RDX: variants seen among roughly 807,000 people sequenced by gnomAD.
RDX encodes the protein deafness, autosomal recessive 24.
In RDX, 32 loss-of-function variants were observed where a neutral mutation model predicts 83.7. The observed-to-expected ratio is 0.38, with a 90% CI of 0.29 to 0.51. The LOEUF (loss-of-function observed/expected upper bound fraction) is 0.51. Ranked by LOEUF, RDX falls within the 20% of genes least tolerant of loss-of-function variation. The pLI, the probability that RDX is intolerant of heterozygous loss-of-function variation, is 0.87. For missense variants in RDX, 600 were observed against 689.9 expected (o/e 0.87, Z 1.46); for synonymous variants, 229 against 222.7 (o/e 1.03, Z -0.25).
At chr11:110,268,662 T>TTTAGACTA (rs1860161085) in intron 3 of RDX, among the ~76,000 whole-genome samples, 1 of 152,170 alleles carries the variant, frequency 6.6e-6, no homozygotes, top group Non-Finnish European at 1.5e-5. Flanking sequence ...CTTAACTAAC[T>TTTAGACTA]TTAGACTATT....
intron 10 of RDX, among the ~76,000 whole-genome samples, chr11:110,240,669 C>T (rs1285400314): frequency 9.0e-5 from 13 of 144,996 alleles, no homozygotes; most frequent in Non-Finnish European, 1.5e-4. Context: ...GGCGTGAACC[C>T]GGGAGGCGGA....
intron 14 of RDX, among the ~76,000 whole-genome samples, chr11:110,203,760 T>C (rs1456931150): frequency 6.6e-6 from 1 of 152,108 alleles, no homozygotes; most frequent in Non-Finnish European, 1.5e-5. Context: ...ACACGGTTGG[T>C]TACCTCAATA....
At chr11:110,221,987 A>G (rs1330610509) in intron 14 of RDX, among the ~76,000 whole-genome samples, 1 of 147,040 alleles carries the variant, frequency 6.8e-6, no homozygotes, top group Non-Finnish European at 1.5e-5. Context: ...AAAATCACTG[A>G]TTAAATGATT....
At chr11:110,186,452 G>T (rs1430263946) in intron 15 of RDX, among the ~76,000 whole-genome samples, 1 of 152,004 alleles carries the variant, frequency 6.6e-6, no homozygotes, top group East Asian at 1.9e-4. Flanking sequence ...CCGCAAGATG[G>T]TGAATTACAG....
chr11:110,202,071 C>T (rs1057358205), intron 14 of RDX, among the ~76,000 whole-genome samples: 2 of 151,986 alleles, frequency 1.3e-5, no homozygotes, highest in South Asian at 2.1e-4. Flanking sequence ...TGAGCCACTG[C>T]GCCCGGCCTA....
At chr11:110,223,957 C>T (rs1440065779) in intron 14 of RDX, among the ~76,000 whole-genome samples, 1 of 151,228 alleles carries the variant, frequency 6.6e-6, no homozygotes, top group African/African-American at 2.4e-5. Context: ...CCCAGGAGGC[C>T]GAGGTTGTGG....
chr11:110,255,234 G>A, intron 8 of RDX, 55 bp downstream of exon 8: 1 of 918,372 alleles, frequency 1.1e-6, no homozygotes, highest in Non-Finnish European at 1.8e-6. Flanking sequence ...TGATATCATG[G>A]GAAACTAGCA....
chr11:110,217,855 CTT>C (rs34443925), intron 14 of RDX, among the ~76,000 whole-genome samples: 29,264 of 152,068 alleles, frequency 0.19, 3,337 homozygotes, highest in Middle Eastern at 0.29. Context: ...CTGAGTGCCT[CTT>C]GTTACTCGTC....
At chr11:110,184,858 A>G (rs1255458038) in intron 15 of RDX, among the ~76,000 whole-genome samples, 2 of 152,196 alleles carry the variant, frequency 1.3e-5, no homozygotes, top group Non-Finnish European at 2.9e-5. Flanking sequence ...TATAAAGTGC[A>G]AGCCAGATAA....
chr11:110,255,308 G>A lies in RDX; in HGVS notation c.776C>T (p.Pro259Leu). The change falls in exon 8 of 14, where the codon CCA becomes CTA. Residue 259 changes from proline (P) to leucine (L), a missense_variant. Pro to Leu is a moderately conservative substitution (Grantham distance 98, BLOSUM62 -3). Coordinates refer to ENST00000645495, the MANE Select transcript of RDX (RefSeq NM_002906.4). ...SFNDKKFVIKPIDKKAPDFVF... is the reference protein window; with the variant it reads ...SFNDKKFVIKLIDKKAPDFVF... ...ACTTACAGGTGCCTTTTTGTCGATT[G>A]GCTTTATAACAAATTTTTTGTCATT... 1.3e-6 allele frequency: 2 copies of A among 1,578,306 alleles called. No individual in the cohort carries two copies. The highest frequency in any genetic ancestry group is 3.3e-5 in the Admixed American group (2 of 59,786).
At chr11:110,275,834 G>A (rs1860492313) in intron 2 of RDX, among the ~76,000 whole-genome samples, 1 of 134,932 alleles carries the variant, frequency 7.4e-6, no homozygotes, top group Non-Finnish European at 1.5e-5. Flanking sequence ...ACCCAGGCTA[G>A]TGTGCAGTGA....
chr11:110,232,139 T>C, intron 13 of RDX, 106 bp from the exon 14 acceptor site: 1 of 898,808 alleles, frequency 1.1e-6, no homozygotes. Context: ...TCATTTCCAC[T>C]GTGAAACCTT....
At chr11:110,258,044 T>C (rs1859617309) in intron 6 of RDX, 62 bp downstream of exon 6, 3 of 1,467,752 alleles carry the variant, frequency 2.0e-6, no homozygotes, top group South Asian at 1.2e-5. Context: ...TAATAATAAA[T>C]GTTACGACAT....
chr11:110,252,847 T>C (rs1859395244), intron 9 of RDX, among the ~76,000 whole-genome samples: 1 of 152,140 alleles, frequency 6.6e-6, no homozygotes, highest in Admixed American at 6.6e-5. Flanking sequence ...GCCCTGATTG[T>C]CTTCAAACTC....
chr11:110,249,959 A>C (rs925130370), intron 9 of RDX, among the ~76,000 whole-genome samples: 1 of 152,162 alleles, frequency 6.6e-6, no homozygotes, highest in African/African-American at 2.4e-5. Flanking sequence ...TATGCCTACG[A>C]GGTACTTTCG....
At chr11:110,183,049 G>C (rs1398351179) in intron 15 of RDX, among the ~76,000 whole-genome samples, 1 of 152,198 alleles carries the variant, frequency 6.6e-6, no homozygotes, top group African/African-American at 2.4e-5. Flanking sequence ...CCAGACCACA[G>C]GAGTCAGCCC....
In RDX at chr11:110,194,748, T is replaced by C. The variant is rs948913356; in HGVS notation, c.*31+4833A>G. Among the ~76,000 whole-genome samples the C allele has an allele frequency of 2.0e-5, 3 of 152,318 alleles. No individual in the cohort carries two copies. The East Asian group carries it at 5.8e-4, about 29-fold the overall frequency. ...ATTCCTTGATATTAGACAAACAATA[T>C]TGTATCTGCCTAGTGTCCCCTGTAG... On this transcript the variant is annotated intron_variant, in intron 15 of 15. Coordinates refer to the RDX transcript ENST00000528498.
intron 15 of RDX, among the ~76,000 whole-genome samples, chr11:110,179,093 T>C (rs1862831562): frequency 6.6e-6 from 1 of 151,760 alleles, no homozygotes; most frequent in Non-Finnish European, 1.5e-5. Flanking sequence ...ACCAGAGGGG[T>C]TCAGCCAGGG....
At chr11:110,279,595 C>G in intron 2 of RDX, 86 bp downstream of exon 2, 1 of 913,686 alleles carries the variant, frequency 1.1e-6, no homozygotes. Context: ...TCCAACAACT[C>G]TACCAACATT....
Sources: gnomAD v4.1 joint callset for allele counts (sites outside exome capture counted in the v4.1 genomes callset) on GRCh38, gnomAD v4.1.1 for gene constraint, MANE v1.5 for transcripts, NCBI Gene and HGNC (gene_info 2026-07-23, HGNC 2026-07-21) for gene names.